The following NAV1 variants were observed in gnomAD, a reference collection of about 807,000 sequenced individuals.
NAV1 encodes pore membrane and/or filament interacting like protein 3.
A neutral mutation model predicts 175.2 loss-of-function variants in NAV1; 18 were observed. The ratio of observed to expected loss-of-function variants is 0.10; its 90% CI spans 0.07 to 0.15. NAV1 has a LOEUF of 0.15. NAV1 is among the 10% of genes least tolerant of loss of function. The pLI is 1.00. For synonymous variants in NAV1, 897 were observed against 978.7 expected, an observed-to-expected ratio of 0.92 and a Z score of 1.56; for missense variants, 1,731 against 2,436.6, an observed-to-expected ratio of 0.71 and a Z score of 6.10.
At chr1:201,772,087 A>T (rs1675625210) in intron 3 of NAV1, among the ~76,000 whole-genome samples, 1 of 152,250 alleles carries the variant, frequency 6.6e-6, no homozygotes, top group South Asian at 2.1e-4. Context: ...ACGAAGAAGC[A>T]TAAGATTTAA....
exon 16 of NAV1, chr1:201,803,702 A>G (rs1678085085): frequency 6.3e-7 from 1 of 1,589,294 alleles, no homozygotes. Flanking sequence ...AAAAGAAGAA[A>G]AAAAAGAGTT....
At position 201,735,804 on chromosome 1, in the gene NAV1, C is replaced by G. The variant is rs539464279; in HGVS notation, c.1226+17049C>G. Among the ~76,000 whole-genome samples, 138 of 152,270 alleles carry G rather than the reference C, an allele frequency of 9.1e-4. 1 individual carries two copies. The Middle Eastern group carries it at 0.01, about 11-fold the overall frequency. On this transcript the variant is annotated intron_variant, in intron 3 of 29. Transcript: ENST00000367296. Reference sequence around the variant, plus strand: ...TCTGTCAAGGTCACGACAGATGATTCCCTCAGGATTCAGTAGGGTCATTGG... The same window carrying G: ...TCTGTCAAGGTCACGACAGATGATTGCCTCAGGATTCAGTAGGGTCATTGG...
chr1:201,737,944 C>T (rs746443416), intron 3 of NAV1, among the ~76,000 whole-genome samples: 19 of 152,268 alleles, frequency 1.2e-4, no homozygotes, highest in East Asian at 1.9e-4. Context: ...AGCACAGCTG[C>T]GTGGACAGAG....
intron 3 of NAV1, among the ~76,000 whole-genome samples, chr1:201,771,164 G>A (rs1055669633): frequency 1.3e-5 from 2 of 151,402 alleles, no homozygotes; most frequent in Non-Finnish European, 2.9e-5. Flanking sequence ...CTGGTGACCC[G>A]GGAGGCAGAG....
intron 6 of NAV1, among the ~76,000 whole-genome samples, 197 bp downstream of exon 10, chr1:201,783,066 C>T (rs1408698344): frequency 6.6e-6 from 1 of 152,218 alleles, no homozygotes; most frequent in African/African-American, 2.4e-5. Context: ...GACTGAATCC[C>T]TCTTTCAAAA....
rs568984437 is a variant in NAV1 at position 201,803,491 on chromosome 1, G to C, written c.3518-102G>C. 2.1e-4 allele frequency: 255 copies of C among 1,201,956 alleles called. 6 individuals carry two copies. The South Asian group carries it at 2.5e-3, about 12-fold the overall frequency. 74.5% of individuals were successfully genotyped at this position (1,201,956 alleles called of 1,614,324 possible). On this transcript the variant is annotated intron_variant, in intron 15 of 29. Transcript: ENST00000367296. Reference sequence around the variant, plus strand: ...AAATGAATAATGTGATTGAGGAGTTGGTTGGTTCTCCTTTCTCTTATCTTC... The same window carrying C: ...AAATGAATAATGTGATTGAGGAGTTCGTTGGTTCTCCTTTCTCTTATCTTC...
intron 3 of NAV1, among the ~76,000 whole-genome samples, chr1:201,779,732 G>C (rs1235575319): frequency 2.0e-5 from 3 of 151,664 alleles, no homozygotes; most frequent in African/African-American, 7.3e-5. Flanking sequence ...TACAGATAAA[G>C]ATGTTTAACA....
chr1:201,666,599 G>A (rs1228625627), intron 1 of NAV1, among the ~76,000 whole-genome samples: 1 of 152,210 alleles, frequency 6.6e-6, no homozygotes, highest in Non-Finnish European at 1.5e-5. Flanking sequence ...GAGGAAGCCA[G>A]GGCCATCTCC....
intron 3 of NAV1, among the ~76,000 whole-genome samples, chr1:201,768,826 A>G (rs1675379769): frequency 6.6e-6 from 1 of 152,186 alleles, no homozygotes; most frequent in Admixed American, 6.5e-5. Context: ...AATACATTTT[A>G]TCATAGATAG....
At chr1:201,826,832 C>T (rs2102860342) in exon 30 of NAV1, 1 of 152,312 alleles carries the variant, frequency 6.6e-6, no homozygotes, top group South Asian at 2.1e-4. Flanking sequence ...ATGCCAGAGC[C>T]AGCTGAAGAG....
chr1:201,815,206 T>C (rs1042623518), intron 28 of NAV1, among the ~76,000 whole-genome samples: 2 of 152,006 alleles, frequency 1.3e-5, no homozygotes, highest in African/African-American at 4.8e-5. Flanking sequence ...AAATGTGGTA[T>C]ATATACACAC....
At chr1:201,797,011 GT>G (rs1025930507) in intron 15 of NAV1, 1 of 152,162 alleles carries the variant, frequency 6.6e-6, no homozygotes, top group Non-Finnish European at 1.5e-5. Context: ...CATTTATCTA[GT>G]TTTTTCCTTT....
At chr1:201,667,494 C>T (rs1387610322) in intron 1 of NAV1, among the ~76,000 whole-genome samples, 2 of 152,190 alleles carry the variant, frequency 1.3e-5, no homozygotes, top group African/African-American at 2.4e-5. Flanking sequence ...TGCCCAAGTC[C>T]ACCCAGCCGG....
intron 1 of NAV1, among the ~76,000 whole-genome samples, chr1:201,547,828 T>C (rs567658564): frequency 2.0e-5 from 3 of 152,350 alleles, no homozygotes; most frequent in Non-Finnish European, 4.4e-5. Flanking sequence ...GGAGTCTTGC[T>C]CTGTTGCCCA....
intron 2 of NAV1, among the ~76,000 whole-genome samples, chr1:201,593,446 TG>T (rs1285131771): frequency 6.6e-6 from 1 of 152,254 alleles, no homozygotes; most frequent in African/African-American, 2.4e-5. Context: ...CTGTTTTCTT[TG>T]GCTGCATTCA....
At chr1:201,609,296 ACAACATAGTCC>A (rs1667780406) in intron 2 of NAV1, among the ~76,000 whole-genome samples, 1 of 152,198 alleles carries the variant, frequency 6.6e-6, no homozygotes, top group Non-Finnish European at 1.5e-5. Flanking sequence ...TCTGCACCTC[ACAACATAGTCC>A]CACTAACAGG....
chr1:201,586,866 A>C (rs1162578555), intron 1 of NAV1, among the ~76,000 whole-genome samples: 4 of 152,212 alleles, frequency 2.6e-5, no homozygotes, highest in African/African-American at 9.6e-5. Flanking sequence ...GGTGTGAGAT[A>C]TACATTTCAG....
chr1:201,648,461 T>C (rs1669057337), exon 1 of NAV1: 1 of 1,230,362 alleles, frequency 8.1e-7, no homozygotes, highest in Non-Finnish European at 1.0e-6. Context: ...CCGGCTTCCT[T>C]CCTCGCGTTT....
intron 2 of NAV1, among the ~76,000 whole-genome samples, chr1:201,715,656 C>T (rs896497269): frequency 6.6e-6 from 1 of 152,212 alleles, no homozygotes; most frequent in Non-Finnish European, 1.5e-5. Context: ...GTGCCAGGCA[C>T]AGCGCTGGGC....
Sources: gnomAD v4.1 joint callset for allele counts (sites outside exome capture counted in the v4.1 genomes callset) on GRCh38, gnomAD v4.1.1 for gene constraint, MANE v1.5 for transcripts, NCBI Gene and HGNC (gene_info 2026-07-23, HGNC 2026-07-21) for gene names.